UVRAG: variants seen among roughly 807,000 people sequenced by gnomAD.
The protein encoded by UVRAG is UV radiation resistance-associated gene protein.
UVRAG carries 19 observed loss-of-function variants against 78.0 expected under a neutral mutation model. The ratio of observed to expected loss-of-function variants is 0.24; its 90% CI spans 0.17 to 0.36. UVRAG has a LOEUF of 0.36. Ranked by LOEUF, UVRAG falls within the 10% of genes least tolerant of loss-of-function variation. The pLI, the probability that UVRAG is intolerant of heterozygous loss-of-function variation, is 1.00. For missense variants in UVRAG, 740 were observed against 853.8 expected (o/e 0.87, Z 1.66); for synonymous variants, 323 against 324.6 (o/e 1.00, Z 0.05).
At chr11:75,953,588 T>C (rs1329255323) in intron 6 of UVRAG, among the ~76,000 whole-genome samples, 2 of 152,206 alleles carry the variant, frequency 1.3e-5, no homozygotes. Flanking sequence ...TGATGTCATA[T>C]GATCAATATT....
At chr11:75,883,978 A>G (rs1947014862) in intron 4 of UVRAG, among the ~76,000 whole-genome samples, 1 of 152,154 alleles carries the variant, frequency 6.6e-6, no homozygotes, top group East Asian at 1.9e-4. Flanking sequence ...GATGGGTCTA[A>G]TGGTAAATGT....
At chr11:76,024,201 A>T (rs1413221701) in intron 12 of UVRAG, among the ~76,000 whole-genome samples, 1 of 152,194 alleles carries the variant, frequency 6.6e-6, no homozygotes, top group African/African-American at 2.4e-5. Context: ...GTTCCTTGAG[A>T]TGGTAAATAT....
chr11:75,862,047 C>T (rs1354974412), intron 3 of UVRAG, among the ~76,000 whole-genome samples: 1 of 151,848 alleles, frequency 6.6e-6, no homozygotes, highest in Non-Finnish European at 1.5e-5. Context: ...AACAAACTGG[C>T]ACGTTGTGTA....
Position 75,983,401 on chromosome 11 carries a change from ATGCC to A in UVRAG, c.718_721del (p.Leu240SerfsTer2). The A allele has an allele frequency of 6.3e-7, 1 of 1,593,612 alleles. No individual in the cohort carries two copies. The highest frequency in any genetic ancestry group is 8.5e-7 in the Non-Finnish European group (1 of 1,171,512). On this transcript the variant is annotated frameshift_variant, in exon 8 of 15. Transcript: ENST00000356136. LOFTEE classifies it high-confidence loss of function. Reference sequence around the variant, plus strand: ...TATTTATTTAGAAAAAAAAAAGTGAATGCCTGCAGTTAAAAATTTTGGTGCTTCA... The same window carrying A: ...TATTTATTTAGAAAAAAAAAAGTGAATGCAGTTAAAAATTTTGGTGCTTCA...
rs541936795 is a variant in UVRAG, at chr11:75,866,785, T to C, written c.270+5005T>C. ...AAACAAACAAAATATGTTTAGTATGTCATATATGTATGTATCCAAATCTAA... is the reference window on the plus strand; with the variant it reads ...AAACAAACAAAATATGTTTAGTATGCCATATATGTATGTATCCAAATCTAA... On this transcript the variant is annotated intron_variant, in intron 3 of 14. Transcript: ENST00000356136. 1.3e-3 allele frequency among the ~76,000 whole-genome samples: 194 copies of C among 152,322 alleles called. 2 individuals are homozygous for C. The highest frequency in any genetic ancestry group is 2.1e-3 in the Non-Finnish European group (141 of 68,030).
intron 12 of UVRAG, among the ~76,000 whole-genome samples, chr11:76,026,144 A>G (rs561961486): frequency 6.6e-6 from 1 of 152,242 alleles, no homozygotes; most frequent in South Asian, 2.1e-4. Flanking sequence ...CAATTAGAAT[A>G]CCTTGAGCTT....
chr11:75,852,116 T>C (rs1946166330), intron 2 of UVRAG, 116 bp downstream of exon 2: 2 of 661,690 alleles, frequency 3.0e-6, no homozygotes, highest in Admixed American at 3.2e-5. Flanking sequence ...TAAATTGTTA[T>C]GCTGTCTGAA....
At position 76,053,342 on chromosome 11, in the gene UVRAG, C is replaced by CACAA. The variant is rs1554983917; in HGVS notation, c.1227-12367_1227-12366insCAAA. Among the ~76,000 whole-genome samples, 5 of 150,516 alleles carry CACAA rather than the reference C, an allele frequency of 3.3e-5. No individual in the cohort carries two copies. The East Asian group carries it at 9.7e-4, about 29-fold the overall frequency. ...ACACACACACACACACACACACACA[C>CACAA]AAAAATAAATATGCACCTGCTCCTT... On this transcript the variant is annotated intron_variant, in intron 12 of 14. Transcript: ENST00000356136.
chr11:75,879,973 A>G lies in UVRAG; in HGVS notation c.365A>G (p.Glu122Gly). 6.2e-7 allele frequency: 1 copy of G among 1,614,176 alleles called. No homozygotes were observed. Among genetic ancestry groups the G allele is most frequent in the South Asian group, 1.1e-5 (1 of 91,078 alleles). The change falls in exon 4 of 15, where the codon GAG (glutamate) becomes GGG (glycine). Residue 122 changes from glutamate to glycine, a missense_variant. By Grantham distance (98) the Glu-to-Gly change is moderately conservative. Transcript: ENST00000356136. ...CFVVKIWGGK[E>G]NIYQLLIEWK... ...GTGGTGAAGATATGGGGTGGAAAGG[A>G]GAACATCTACCAGCTGTTGATTGAA... is the stretch of plus-strand genomic sequence containing the variant.
At chr11:76,073,517 AT>A (rs1227392096) in intron 13 of UVRAG, among the ~76,000 whole-genome samples, 1 of 152,064 alleles carries the variant, frequency 6.6e-6, no homozygotes, top group Non-Finnish European at 1.5e-5. Context: ...ATCCTTAAGG[AT>A]TTTTTTGATA....
At chr11:76,006,922 T>C (rs376366742) in intron 9 of UVRAG, among the ~76,000 whole-genome samples, 4 of 152,226 alleles carry the variant, frequency 2.6e-5, no homozygotes, top group Admixed American at 2.0e-4. Context: ...TTTCCTTGTT[T>C]ATAAATAGAT....
intron 9 of UVRAG, among the ~76,000 whole-genome samples, chr11:76,004,532 G>A (rs898937279): frequency 2.7e-5 from 4 of 149,264 alleles, no homozygotes; most frequent in East Asian, 1.9e-4. Flanking sequence ...TCCATGCTAC[G>A]ATCAGACCTC....
intron 13 of UVRAG, among the ~76,000 whole-genome samples, chr11:76,097,419 T>A (rs1951804683): frequency 6.6e-6 from 1 of 152,156 alleles, no homozygotes; most frequent in South Asian, 2.1e-4. Flanking sequence ...CTCCCTGCCC[T>A]TTCACTCACT....
At chr11:75,918,080 A>T (rs1947897061) in intron 6 of UVRAG, among the ~76,000 whole-genome samples, 1 of 152,092 alleles carries the variant, frequency 6.6e-6, no homozygotes, top group African/African-American at 2.4e-5. Flanking sequence ...TTTAAAAGAT[A>T]CGTGGGCTGG....
At chr11:75,973,395 A>G in intron 7 of UVRAG, among the ~76,000 whole-genome samples, 1 of 152,120 alleles carries the variant, frequency 6.6e-6, no homozygotes, top group East Asian at 1.9e-4. Context: ...GATAAATTAC[A>G]TGTTGCCATG....
Position 76,103,635 on chromosome 11 carries a change from G to A in UVRAG, c.1306-12289G>A, listed in dbSNP as rs1216244182. Among the ~76,000 whole-genome samples, 59 of 150,548 alleles carry A rather than the reference G, an allele frequency of 3.9e-4. 1 individual carries two copies. The highest frequency in any genetic ancestry group is 5.8e-4 in the Non-Finnish European group (39 of 67,746). On this transcript the variant is annotated intron_variant, in intron 13 of 14. Coordinates refer to ENST00000356136, the MANE Select transcript of UVRAG (RefSeq NM_003369.4). ...TTGGACTCTATTGCAATTCAAGTGA[G>A]GTCAGAGGAATTCCACAGAAAACTT...
intron 8 of UVRAG, among the ~76,000 whole-genome samples, chr11:75,997,340 G>A (rs1206273745): frequency 6.6e-6 from 1 of 152,218 alleles, no homozygotes; most frequent in African/African-American, 2.4e-5. Context: ...GTTTTGTTTT[G>A]TTGCTGGAAG....
intron 7 of UVRAG, among the ~76,000 whole-genome samples, chr11:75,967,793 C>T (rs1185899938): frequency 2.0e-5 from 3 of 152,130 alleles, no homozygotes; most frequent in African/African-American, 7.2e-5. Flanking sequence ...GTTGCAATAT[C>T]GTAAGTCTCG....
At chr11:75,985,013 G>A (rs935759088) in intron 8 of UVRAG, among the ~76,000 whole-genome samples, 2 of 152,100 alleles carry the variant, frequency 1.3e-5, no homozygotes, top group East Asian at 3.9e-4. Context: ...AGAAACTGAG[G>A]AGTAGAATTA....
Sources: allele counts gnomAD v4.1 joint callset (sites outside exome capture counted in the v4.1 genomes callset), GRCh38; gene constraint gnomAD v4.1.1; transcripts MANE v1.5; gene names NCBI Gene and HGNC (gene_info 2026-07-23, HGNC 2026-07-21).